GLB1: variants seen among roughly 807,000 people sequenced by gnomAD.
The protein encoded by GLB1 is galactosidase beta 1.
A neutral mutation model predicts 74.0 loss-of-function variants in GLB1; 56 were observed. The observed-to-expected ratio is 0.76, with a 90% CI of 0.61 to 0.94. GLB1 has a LOEUF of 0.94. Ranked by LOEUF, GLB1 falls within the 40% of genes least tolerant of loss-of-function variation. GLB1 has a pLI of 0.00. For missense variants in GLB1, 787 were observed against 845.5 expected, an observed-to-expected ratio of 0.93 and a Z score of 0.86; for synonymous variants, 323 against 323.6, an observed-to-expected ratio of 1.00 and a Z score of 0.02.
chr3:33,018,597 A>T (rs1458451217), intron 12 of GLB1, 36 bp from the exon 13 acceptor site: 1 of 1,604,614 alleles, frequency 6.2e-7, no homozygotes, highest in Admixed American at 1.7e-5. Flanking sequence ...ATACATCACT[A>T]TTGCCATTCA....
intron 10 of GLB1, among the ~76,000 whole-genome samples, chr3:33,032,437 T>C (rs1209628943): frequency 6.6e-6 from 1 of 152,122 alleles, no homozygotes; most frequent in African/African-American, 2.4e-5. Context: ...CAATCCTCTA[T>C]CTCAGGTGCC....
At chr3:32,977,284 G>A in the GLB1 span, among the ~76,000 whole-genome samples, 1 of 149,348 alleles carries the variant, frequency 6.7e-6, no homozygotes, top group South Asian at 2.1e-4. Flanking sequence ...TCGGCTCACT[G>A]CAATCTCCAC....
intron 15 of GLB1, among the ~76,000 whole-genome samples, chr3:32,998,333 C>A (rs1313017778): frequency 6.6e-6 from 1 of 152,078 alleles, no homozygotes; most frequent in African/African-American, 2.4e-5. Flanking sequence ...CATGGTGAAA[C>A]CCCGTCTCTA....
intron 1 of GLB1, chr3:33,077,534 G>A: frequency 1.4e-6 from 1 of 703,738 alleles, no homozygotes; most frequent in Non-Finnish European, 2.1e-6. Context: ...GTTCTTTACA[G>A]ACCAAGATCA....
intron 10 of GLB1, among the ~76,000 whole-genome samples, chr3:33,027,270 T>G (rs1268642657): frequency 1.3e-5 from 2 of 152,244 alleles, no homozygotes; most frequent in South Asian, 2.1e-4. Flanking sequence ...CTGGAGCTGC[T>G]CACCCTGCAG....
At chr3:33,043,802 G>GATACCTCAGAAAA (rs1553609477) in intron 10 of GLB1, among the ~76,000 whole-genome samples, 2 of 134,762 alleles carry the variant, frequency 1.5e-5, no homozygotes, top group African/African-American at 2.8e-5. Context: ...CCAAGCAAAA[G>GATACCTCAGAAAA]TATGCAGGTA....
downstream of GLB1, among the ~76,000 whole-genome samples, chr3:32,994,218 C>T (rs913841270): frequency 2.0e-5 from 3 of 152,116 alleles, no homozygotes; most frequent in Admixed American, 1.3e-4. Context: ...GTGGTACATC[C>T]ATACAATGGA....
rs1553612143 is a variant in GLB1 at position 33,068,248 on chromosome 3, G to A, written c.439C>T (p.Leu147Phe). The change falls in exon 4 of 16, where the codon CTC (leucine) becomes TTC (phenylalanine). Residue 147 changes from leucine to phenylalanine, a missense_variant. Physicochemically the swap from Leu to Phe is conservative, Grantham distance 22. Transcript: ENST00000307363. ...AWLLEKESIL[L>F]RSSDPDYLAA... ...AACCTACCTGGGTCGGAGGAGCGGAGAAGAATAGACTCTTTCTCTAGCAGC... is the reference window on the plus strand; with the variant it reads ...AACCTACCTGGGTCGGAGGAGCGGAAAAGAATAGACTCTTTCTCTAGCAGC... 1.2e-6 allele frequency: 2 copies of A among 1,614,038 alleles called. No homozygotes were observed. Among genetic ancestry groups the A allele is most frequent in the South Asian group, 1.1e-5 (1 of 91,078 alleles).
intron 15 of GLB1, among the ~76,000 whole-genome samples, chr3:33,004,441 T>C (rs939611703): frequency 6.6e-6 from 1 of 152,246 alleles, no homozygotes; most frequent in Admixed American, 6.5e-5. Context: ...GATACACATC[T>C]CCATGGTCAG....
intron 1 of GLB1, chr3:33,077,456 G>A (rs572047151): frequency 8.6e-5 from 69 of 806,470 alleles, no homozygotes; most frequent in East Asian, 1.6e-4. Flanking sequence ...AGATACAACC[G>A]ATATGTTCCA....
At chr3:33,070,060 T>G (rs1482071351) in intron 2 of GLB1, among the ~76,000 whole-genome samples, 2 of 152,138 alleles carry the variant, frequency 1.3e-5, no homozygotes, top group Non-Finnish European at 2.9e-5. Context: ...CATGTGGTAT[T>G]TGGTTTTCTG....
chr3:32,978,666 T>C, the GLB1 span, among the ~76,000 whole-genome samples: 1 of 151,958 alleles, frequency 6.6e-6, no homozygotes, highest in African/African-American at 2.4e-5. Context: ...AGATCTGAGA[T>C]GGTGGTGAGA....
At chr3:33,095,210 CAAAAA>C (rs71630565) in intron 1 of GLB1, among the ~76,000 whole-genome samples, 2 of 75,888 alleles carry the variant, frequency 2.6e-5, no homozygotes, top group Admixed American at 1.5e-4. Flanking sequence ...GACTCTGTCT[CAAAAA>C]AAAAAAAAAA....
Position 33,072,566 on chromosome 3 carries a change from C to CCATCTT in GLB1, c.217_222dup (p.Lys73_Met74dup). The CCATCTT allele has an allele frequency of 6.2e-7, 1 of 1,613,670 alleles. No individual in the cohort carries two copies. Among genetic ancestry groups the CCATCTT allele is most frequent in the East Asian group, 2.2e-5 (1 of 44,882 alleles). On this transcript the variant is annotated inframe_insertion, in exon 2 of 16. Transcript: ENST00000307363. ...TACGTCTGGATGGCGTTCAGCCCAG[C>CCATCTT]CATCTTCATCTTCAGCAGCCGGTCC...
chr3:33,050,793 C>T (rs945437259), intron 9 of GLB1, among the ~76,000 whole-genome samples: 12 of 152,092 alleles, frequency 7.9e-5, no homozygotes, highest in Middle Eastern at 3.2e-3. Context: ...AATTATACCT[C>T]AACAAAACAA....
At chr3:32,988,846 T>G in the GLB1 span, among the ~76,000 whole-genome samples, 1 of 105,098 alleles carries the variant, frequency 9.5e-6, no homozygotes, top group South Asian at 2.7e-4. Context: ...TTTTTTCCTG[T>G]TTTTTTTTTC....
chr3:33,015,393 T>C (rs942022612), intron 14 of GLB1, among the ~76,000 whole-genome samples: 1 of 152,186 alleles, frequency 6.6e-6, no homozygotes, highest in Non-Finnish European at 1.5e-5. Context: ...ATGATGACGA[T>C]GGCAAACCTC....
intron 10 of GLB1, among the ~76,000 whole-genome samples, chr3:33,037,149 G>A (rs879618713): frequency 6.6e-5 from 10 of 151,584 alleles, no homozygotes; most frequent in Non-Finnish European, 1.3e-4. Flanking sequence ...ATATTCAAGC[G>A]ATTCTCCTGC....
intron 1 of GLB1, chr3:33,090,905 A>T (rs1268720243): frequency 2.0e-6 from 2 of 985,356 alleles, no homozygotes; most frequent in Non-Finnish European, 2.4e-6. Context: ...AAGAGAAAGA[A>T]AAGAGGTAAG....
Sources: gnomAD v4.1 joint callset for allele counts (sites outside exome capture counted in the v4.1 genomes callset) on GRCh38, gnomAD v4.1.1 for gene constraint, MANE v1.5 for transcripts, NCBI Gene and HGNC (gene_info 2026-07-23, HGNC 2026-07-21) for gene names.